Variants in ANK2 observed in about 807,000 individuals in gnomAD.
The protein encoded by ANK2 is ankyrin 2.
In ANK2, 83 loss-of-function variants were observed where a neutral mutation model predicts 360.5. The observed-to-expected ratio is 0.23, with a 90% confidence interval of 0.19 to 0.28. The LOEUF (loss-of-function observed/expected upper bound fraction) is 0.28. Ranked by LOEUF, ANK2 falls within the 10% of genes least tolerant of loss-of-function variation. The pLI is 1.00. For missense variants in ANK2, 4,201 were observed against 4,795.7 expected, an observed-to-expected ratio of 0.88 and a Z score of 3.66; for synonymous variants, 1,740 against 1,759.5, an observed-to-expected ratio of 0.99 and a Z score of 0.28.
intron 4 of ANK2, among the ~76,000 whole-genome samples, chr4:113,212,289 A>T (rs2099032574): frequency 6.6e-6 from 1 of 152,098 alleles, no homozygotes; most frequent in African/African-American, 2.4e-5. Flanking sequence ...TTCAGATATT[A>T]TTCTTTAGTG....
chr4:112,810,155 ATATATTTTTTTTTTTTTT>A, the ANK2 span, among the ~76,000 whole-genome samples: 5 of 23,344 alleles, frequency 2.1e-4, no homozygotes, highest in African/African-American at 8.3e-4. Context: ...ATATATATAT[ATATATTTTTTTTTTTTTT>A]TTTTTTTTTG....
chr4:112,760,478 T>TGA, the ANK2 span, among the ~76,000 whole-genome samples: 4 of 151,934 alleles, frequency 2.6e-5, no homozygotes, highest in Admixed American at 2.6e-4. Context: ...TGAGCCCCCG[T>TGA]GCCCAGCCTC....
intron 2 of ANK2, among the ~76,000 whole-genome samples, chr4:112,950,375 T>G (rs56256579): frequency 0.017 from 2,625 of 152,326 alleles, 25 homozygotes; most frequent in Middle Eastern, 0.034. Flanking sequence ...CTGGGTGCGG[T>G]GGCTCACGCC....
chr4:113,264,392 G>A (rs1014447472), intron 13 of ANK2, among the ~76,000 whole-genome samples: 1 of 152,056 alleles, frequency 6.6e-6, no homozygotes, highest in Non-Finnish European at 1.5e-5. Flanking sequence ...GGTTTTTAGG[G>A]TAAAAGAAAA....
At chr4:112,988,410 A>T (rs1002273591) in intron 2 of ANK2, among the ~76,000 whole-genome samples, 1 of 152,216 alleles carries the variant, frequency 6.6e-6, no homozygotes, top group Admixed American at 6.5e-5. Flanking sequence ...CATGGTTACT[A>T]TATTCCATTT....
intron 1 of ANK2, among the ~76,000 whole-genome samples, chr4:112,883,827 C>T: frequency 1.3e-5 from 2 of 148,984 alleles, no homozygotes; most frequent in East Asian, 2.1e-4. Flanking sequence ...AAAATGTTTA[C>T]ATTATAAATA....
At chr4:112,808,524 A>T in the ANK2 span, among the ~76,000 whole-genome samples, 1 of 152,254 alleles carries the variant, frequency 6.6e-6, no homozygotes, top group Admixed American at 6.5e-5. Context: ...TTTAAGTGGG[A>T]TTAAGTATTA....
At chr4:113,064,094 T>C (rs1175464947) in intron 1 of ANK2, among the ~76,000 whole-genome samples, 1 of 152,178 alleles carries the variant, frequency 6.6e-6, no homozygotes, top group Non-Finnish European at 1.5e-5. Flanking sequence ...GTGGAAGTCA[T>C]TTTTGGAAAT....
At chr4:113,181,634 G>C (rs1435537555) in intron 2 of ANK2, among the ~76,000 whole-genome samples, 4 of 152,134 alleles carry the variant, frequency 2.6e-5, no homozygotes, top group Non-Finnish European at 4.4e-5. Flanking sequence ...TGGGAGCGGT[G>C]TGTCACTTTA....
chr4:113,037,461 A>G (rs1339986745), intron 2 of ANK2, among the ~76,000 whole-genome samples: 2 of 151,886 alleles, frequency 1.3e-5, no homozygotes, highest in Admixed American at 1.3e-4. Context: ...GTTTTTGCAA[A>G]TTAACAGGCT....
chr4:113,279,998 CAATA>C (rs1294890565), intron 17 of ANK2, among the ~76,000 whole-genome samples: 4 of 151,836 alleles, frequency 2.6e-5, no homozygotes, highest in Admixed American at 2.0e-4. Context: ...TGTGAGTTCC[CAATA>C]AATTTGGATG....
chr4:113,188,702 G>A (rs1359163920), intron 2 of ANK2, among the ~76,000 whole-genome samples: 1 of 152,152 alleles, frequency 6.6e-6, no homozygotes, highest in African/African-American at 2.4e-5. Context: ...AATTGTCATA[G>A]AACTCTGAGA....
At chr4:112,731,118 C>T in the ANK2 span, among the ~76,000 whole-genome samples, 3 of 150,488 alleles carry the variant, frequency 2.0e-5, no homozygotes, top group East Asian at 3.9e-4. Flanking sequence ...TCCAGTCTGG[C>T]GACAGAGCAA....
intron 30 of ANK2, chr4:113,336,305 A>G (rs984869090): frequency 1.6e-5 from 9 of 576,908 alleles, no homozygotes; most frequent in Non-Finnish European, 2.4e-5. Flanking sequence ...AAAAAAAAAA[A>G]AGAAATTAGC....
chr4:113,148,007 G>A (rs2096899802), intron 1 of ANK2, among the ~76,000 whole-genome samples: 2 of 152,168 alleles, frequency 1.3e-5, no homozygotes, highest in South Asian at 4.1e-4. Flanking sequence ...TGTATTCCAA[G>A]TTCACTTGTG....
intron 1 of ANK2, among the ~76,000 whole-genome samples, chr4:113,102,319 G>C (rs954302628): frequency 1.3e-5 from 2 of 152,090 alleles, no homozygotes; most frequent in African/African-American, 4.8e-5. Context: ...CACTTAGATG[G>C]GGAAGCCTGG....
At position 113,092,037 on chromosome 4, in the gene ANK2, G is replaced by T. The variant is rs141692094; in HGVS notation, c.84+42225G>T. 1.2e-3 allele frequency among the ~76,000 whole-genome samples: 189 copies of T among 152,246 alleles called. 1 individual carries two copies. The highest frequency in any genetic ancestry group is 4.3e-3 in the African/African-American group (179 of 41,536). On this transcript the variant is annotated intron_variant, in intron 1 of 45. Coordinates refer to ENST00000357077, the MANE Select transcript of ANK2 (RefSeq NM_001148.6). ...CCAAAATTCATTAATATGAAGATTG[G>T]TAGAAACTGTGGATTTTCCTTATAA...
chr4:112,869,374 C>T (rs528708690), intron 1 of ANK2, among the ~76,000 whole-genome samples: 6 of 152,262 alleles, frequency 3.9e-5, no homozygotes, highest in Non-Finnish European at 7.4e-5. Context: ...ACCACCTGGG[C>T]TCAAGTGATC....
At chr4:112,998,195 A>G (rs1416651335) in intron 2 of ANK2, among the ~76,000 whole-genome samples, 2 of 152,046 alleles carry the variant, frequency 1.3e-5, no homozygotes, top group Non-Finnish European at 2.9e-5. Context: ...GCCATTTTCA[A>G]GGTACATTTG....
Sources: allele counts gnomAD v4.1 joint callset (sites outside exome capture counted in the v4.1 genomes callset), GRCh38; gene constraint gnomAD v4.1.1; transcripts MANE v1.5; gene names NCBI Gene and HGNC (gene_info 2026-07-23, HGNC 2026-07-21).